NRG1: variants seen among roughly 807,000 people sequenced by gnomAD.
NRG1 encodes the protein pro-neuregulin-1, membrane-bound isoform.
A neutral mutation model predicts 63.8 loss-of-function variants in NRG1; 18 were observed. That is an observed-to-expected ratio of 0.28 (90% confidence interval 0.19 to 0.42). The LOEUF (loss-of-function observed/expected upper bound fraction) is 0.42, where lower values mean the gene tolerates loss of function less well. Ranked by LOEUF, NRG1 falls within the 10% of genes least tolerant of loss-of-function variation. NRG1 has a pLI of 1.00. For synonymous variants in NRG1, 302 were observed against 301.3 expected, an observed-to-expected ratio of 1.00 and a Z score of -0.02; for missense variants, 762 against 814.7, an observed-to-expected ratio of 0.94 and a Z score of 0.79.
rs1429664209 is a variant in NRG1, at chr8:31,640,861, G to A, written c.37+1430G>A. Reference sequence around the variant, plus strand: ...GGTCCCAGTTGTTGGTTTCAGGGTGGTGGGTTCTCAGCGATCCTCAGAGAG... The same window carrying A: ...GGTCCCAGTTGTTGGTTTCAGGGTGATGGGTTCTCAGCGATCCTCAGAGAG... On this transcript the variant is annotated intron_variant, in intron 1 of 10. Transcript: ENST00000519301. This position sits in a 1 kb window ranked among gnomAD's most constrained non-coding sequence, Gnocchi z 6.3. 51 of 1,390,642 alleles carry A rather than the reference G, an allele frequency of 3.7e-5. No homozygotes were observed. Among genetic ancestry groups the A allele is most frequent in the Non-Finnish European group, 4.6e-5 (50 of 1,076,064 alleles). 86.1% of individuals were successfully genotyped at this position (1,390,642 alleles called of 1,614,324 possible). A position where few individuals can be genotyped will look rare whatever the true frequency, so the allele number is the denominator to read the frequency against.
At chr8:32,174,484 A>C (rs550837761) in intron 1 of NRG1, among the ~76,000 whole-genome samples, 4 of 152,340 alleles carry the variant, frequency 2.6e-5, no homozygotes, top group Admixed American at 2.6e-4. Flanking sequence ...AACTAAGATC[A>C]GAGCAGAACT....
intron 1 of NRG1, among the ~76,000 whole-genome samples, chr8:32,280,691 GTTT>G (rs1174950316): frequency 0.02 from 1,160 of 57,496 alleles, 11 homozygotes; most frequent in African/African-American, 0.037. Flanking sequence ...TTTTTTTTTT[GTTT>G]TTTTTTTTTT....
At chr8:32,409,624 T>C (rs1396390972) in intron 1 of NRG1, among the ~76,000 whole-genome samples, 2 of 152,158 alleles carry the variant, frequency 1.3e-5, no homozygotes, top group Non-Finnish European at 2.9e-5. Flanking sequence ...GCAGGCACAG[T>C]TAATGGAAAA....
chr8:32,277,746 A>T (rs1385604433), intron 1 of NRG1, among the ~76,000 whole-genome samples: 1 of 152,196 alleles, frequency 6.6e-6, no homozygotes, highest in African/African-American at 2.4e-5. Flanking sequence ...ATGGTTAAGC[A>T]TTCTGCATAC....
intron 5 of NRG1, among the ~76,000 whole-genome samples, chr8:32,643,163 C>T (rs1187057225): frequency 1.3e-5 from 2 of 152,118 alleles, no homozygotes; most frequent in Non-Finnish European, 2.9e-5. Context: ...CTTCTTGATC[C>T]AGGTTGGCAT....
At chr8:32,732,556 T>A (rs1352964326) in intron 6 of NRG1, among the ~76,000 whole-genome samples, 1 of 152,192 alleles carries the variant, frequency 6.6e-6, no homozygotes, top group Non-Finnish European at 1.5e-5. Context: ...CTTATGTCCT[T>A]TCACTTCAAC....
At chr8:32,219,498 C>T (rs559860673) in intron 1 of NRG1, among the ~76,000 whole-genome samples, 24 of 152,176 alleles carry the variant, frequency 1.6e-4, no homozygotes, top group Admixed American at 2.6e-4. Context: ...ACATACCACC[C>T]AGTTTTCAGT....
At chr8:32,551,250 G>A (rs1264736243) in intron 1 of NRG1, among the ~76,000 whole-genome samples, 2 of 152,186 alleles carry the variant, frequency 1.3e-5, no homozygotes, top group East Asian at 3.8e-4. Flanking sequence ...CACACTTGCC[G>A]TGCCAGCCCA....
chr8:31,655,632 G>C (rs920660408), intron 1 of NRG1, among the ~76,000 whole-genome samples: 3 of 152,120 alleles, frequency 2.0e-5, no homozygotes, highest in Non-Finnish European at 1.5e-5. Context: ...CCCAATGAAG[G>C]GTTTTTAAGA....
chr8:32,170,814 T>C (rs1429918745), intron 1 of NRG1, among the ~76,000 whole-genome samples: 1 of 152,210 alleles, frequency 6.6e-6, no homozygotes, highest in African/African-American at 2.4e-5. Context: ...AGTCGATATT[T>C]GGTTTTATAG....
At chr8:32,758,699 T>C (rs901502562) in intron 9 of NRG1, among the ~76,000 whole-genome samples, 1 of 152,060 alleles carries the variant, frequency 6.6e-6, no homozygotes, top group African/African-American at 2.4e-5. Context: ...TGTCAAGATG[T>C]GTGCATTGAC....
At chr8:32,243,860 T>C (rs1848363799) in intron 1 of NRG1, among the ~76,000 whole-genome samples, 1 of 152,108 alleles carries the variant, frequency 6.6e-6, no homozygotes, top group African/African-American at 2.4e-5. Flanking sequence ...CACCTGAAAA[T>C]GCAACAGGGA....
chr8:32,482,479 C>T (rs1315684765), intron 1 of NRG1, among the ~76,000 whole-genome samples: 1 of 151,656 alleles, frequency 6.6e-6, no homozygotes, highest in East Asian at 1.9e-4. Flanking sequence ...ATTCTTTGCA[C>T]ATCACTGGTA....
chr8:32,301,788 C>T (rs1236340843), intron 1 of NRG1, among the ~76,000 whole-genome samples: 1 of 152,154 alleles, frequency 6.6e-6, no homozygotes, highest in African/African-American at 2.4e-5. Context: ...TGCATAATTC[C>T]ATCAGCTCCC....
chr8:31,905,597 C>G (rs547445587), intron 1 of NRG1, among the ~76,000 whole-genome samples: 191 of 152,260 alleles, frequency 1.3e-3, no homozygotes, highest in African/African-American at 4.5e-3. Flanking sequence ...ATGGCTGTCT[C>G]AGTAGGCTGC....
intron 1 of NRG1, among the ~76,000 whole-genome samples, chr8:32,237,918 G>T (rs1207283446): frequency 6.6e-6 from 1 of 152,004 alleles, no homozygotes; most frequent in Non-Finnish European, 1.5e-5. Context: ...CTATTTATAA[G>T]ACCATCTTTG....
At chr8:32,765,643 C>A (rs549738454) in exon 12 of NRG1, 2 of 152,000 alleles carry the variant, frequency 1.3e-5, no homozygotes, top group Non-Finnish European at 2.9e-5. Flanking sequence ...CAGGAATGGC[C>A]GATGTGTATG....
intron 1 of NRG1, among the ~76,000 whole-genome samples, chr8:32,369,779 C>T (rs745718361): frequency 7.2e-5 from 11 of 152,140 alleles, no homozygotes; most frequent in East Asian, 1.9e-4. Context: ...AATGAAATTT[C>T]GGATTTCTAC....
chr8:31,717,559 T>C (rs556510811), intron 1 of NRG1, among the ~76,000 whole-genome samples: 1 of 152,270 alleles, frequency 6.6e-6, no homozygotes, highest in African/African-American at 2.4e-5. Flanking sequence ...GCTCCAGTCT[T>C]ACAAAGTGGG....
Sources: gnomAD v4.1 joint callset for allele counts (sites outside exome capture counted in the v4.1 genomes callset) on GRCh38, gnomAD v4.1.1 for gene constraint, Gnocchi (gnomAD v3.1) non-coding constraint, MANE v1.5 for transcripts, NCBI Gene and HGNC (gene_info 2026-07-23, HGNC 2026-07-21) for gene names.